SUGCT: variants seen among roughly 807,000 people sequenced by gnomAD.
The protein encoded by SUGCT is succinyl-CoA:glutarate CoA-transferase.
In SUGCT, 41 loss-of-function variants were observed where a neutral mutation model predicts 55.0. The observed-to-expected ratio is 0.74, with a 90% CI of 0.58 to 0.97. SUGCT has a LOEUF of 0.97. Among genes scored for constraint, SUGCT ranks in the 50% least tolerant of loss-of-function variants. SUGCT has a pLI of 0.00. For synonymous variants in SUGCT, 187 were observed against 200.4 expected (o/e 0.93, Z 0.56); for missense variants, 568 against 547.8 (o/e 1.04, Z -0.37).
At chr7:40,940,253 G>T in the SUGCT span, among the ~76,000 whole-genome samples, 2 of 152,162 alleles carry the variant, frequency 1.3e-5, no homozygotes, top group African/African-American at 2.4e-5. Context: ...TTTTATAACA[G>T]GACTATGCTG....
intron 10 of SUGCT, among the ~76,000 whole-genome samples, chr7:40,452,167 G>A (rs1439684159): frequency 6.6e-6 from 1 of 152,200 alleles, no homozygotes; most frequent in Non-Finnish European, 1.5e-5. Flanking sequence ...TTGGGTTCAA[G>A]TCTGAGGTTC....
chr7:40,960,094 C>A, the SUGCT span, among the ~76,000 whole-genome samples: 1 of 152,144 alleles, frequency 6.6e-6, no homozygotes, highest in Non-Finnish European at 1.5e-5. Flanking sequence ...TCGCTGGGAG[C>A]TGCAGACTGG....
chr7:40,935,182 C>T, the SUGCT span, among the ~76,000 whole-genome samples: 1 of 152,324 alleles, frequency 6.6e-6, no homozygotes, highest in Non-Finnish European at 1.5e-5. Context: ...TGATTCTGCT[C>T]ACTAGCTTCA....
intron 9 of SUGCT, among the ~76,000 whole-genome samples, chr7:40,349,594 TATTCTC>T (rs1485268350): frequency 1.3e-5 from 2 of 152,190 alleles, no homozygotes; most frequent in African/African-American, 4.8e-5. Flanking sequence ...TTCAACTACT[TATTCTC>T]AGTTACAAAA....
chr7:40,809,721 C>G (rs1791304728), intron 13 of SUGCT, among the ~76,000 whole-genome samples: 1 of 151,936 alleles, frequency 6.6e-6, no homozygotes, highest in African/African-American at 2.4e-5. Flanking sequence ...ATGAATGATC[C>G]CATCACCCAG....
chr7:40,547,577 C>T (rs2151632988), intron 12 of SUGCT, among the ~76,000 whole-genome samples: 1 of 152,108 alleles, frequency 6.6e-6, no homozygotes, highest in Middle Eastern at 3.4e-3. Flanking sequence ...TTCTGAGATA[C>T]TAAGATTATC....
intron 11 of SUGCT, among the ~76,000 whole-genome samples, chr7:40,477,436 G>A (rs1234414431): frequency 6.6e-6 from 1 of 152,076 alleles, no homozygotes; most frequent in Non-Finnish European, 1.5e-5. Context: ...CTGTATACAT[G>A]CAAAAGCGGG....
intron 7 of SUGCT, among the ~76,000 whole-genome samples, chr7:40,249,222 A>T (rs1790138295): frequency 6.7e-6 from 1 of 149,214 alleles, no homozygotes; most frequent in African/African-American, 2.5e-5. Flanking sequence ...AGCCCAGGAG[A>T]TAGAGGCTGC....
chr7:40,354,855 G>T (rs916241725), intron 9 of SUGCT, among the ~76,000 whole-genome samples: 1 of 152,148 alleles, frequency 6.6e-6, no homozygotes, highest in Non-Finnish European at 1.5e-5. Context: ...CCAAGCACTT[G>T]GCTAAATAGT....
chr7:40,618,289 C>A (rs1224160428), intron 12 of SUGCT, among the ~76,000 whole-genome samples: 1 of 152,220 alleles, frequency 6.6e-6, no homozygotes, highest in African/African-American at 2.4e-5. Flanking sequence ...GCAAGTCCAT[C>A]TTTCCCGTTG....
At chr7:40,325,128 C>T (rs1399255471) in intron 9 of SUGCT, among the ~76,000 whole-genome samples, 1 of 152,128 alleles carries the variant, frequency 6.6e-6, no homozygotes, top group Non-Finnish European at 1.5e-5. Flanking sequence ...ATATGCAGTA[C>T]TTTGCTATCA....
chr7:40,428,170 G>A (rs1787693570), intron 9 of SUGCT, among the ~76,000 whole-genome samples: 1 of 151,986 alleles, frequency 6.6e-6, no homozygotes, highest in Admixed American at 6.6e-5. Flanking sequence ...CATCTATTTT[G>A]CCTGATGTAA....
intron 13 of SUGCT, among the ~76,000 whole-genome samples, chr7:40,774,482 A>G (rs1201534816): frequency 6.6e-6 from 1 of 152,124 alleles, no homozygotes; most frequent in Non-Finnish European, 1.5e-5. Flanking sequence ...TTGATCTATA[A>G]TGTTCTCATT....
chr7:40,613,844 T>A (rs146859164), intron 12 of SUGCT, among the ~76,000 whole-genome samples: 2,619 of 152,296 alleles, frequency 0.017, 32 homozygotes, highest in South Asian at 0.04. Flanking sequence ...TTGGTCGGTT[T>A]GATCCGCCCT....
Position 40,448,961 on chromosome 7 carries a change from TAGAG to T in SUGCT, c.817-306_817-303del, listed in dbSNP as rs1163648397. ...GTGTGTGTGTGTGTGTATATATATATAGAGAGAGAGAGAGAGAGAGAGAAAGAGA... is the reference window on the plus strand; with the variant it reads ...GTGTGTGTGTGTGTGTATATATATATAGAGAGAGAGAGAGAGAGAAAGAGA... On this transcript the variant is annotated intron_variant, in intron 9 of 13. Transcript: ENST00000335693. Among the ~76,000 whole-genome samples the T allele has an allele frequency of 3.6e-4, 52 of 144,158 alleles. 1 individual carries two copies. Among genetic ancestry groups the T allele is most frequent in the South Asian group, 3.1e-3 (14 of 4,576 alleles). The allele number at this position is 144,158 out of a possible 152,430, so 94.6% of individuals were successfully genotyped here. A position where few individuals can be genotyped will look rare whatever the true frequency, so the allele number is the denominator to read the frequency against.
intron 9 of SUGCT, among the ~76,000 whole-genome samples, chr7:40,353,892 A>G (rs961713557): frequency 1.3e-5 from 2 of 152,242 alleles, no homozygotes; most frequent in Non-Finnish European, 2.9e-5. Context: ...TCTGGTAACT[A>G]TCATTATTTT....
At chr7:40,683,420 C>G (rs933199189) in intron 12 of SUGCT, among the ~76,000 whole-genome samples, 5 of 152,152 alleles carry the variant, frequency 3.3e-5, no homozygotes, top group Non-Finnish European at 7.3e-5. Context: ...TGAGCTTGTG[C>G]TTTTTTATCT....
At chr7:40,481,351 T>C (rs1791025851) in intron 11 of SUGCT, among the ~76,000 whole-genome samples, 1 of 150,548 alleles carries the variant, frequency 6.6e-6, no homozygotes, top group Non-Finnish European at 1.5e-5. Flanking sequence ...AAAAGATATA[T>C]ATATTATATA....
At chr7:40,575,408 G>T (rs181327132) in intron 12 of SUGCT, among the ~76,000 whole-genome samples, 1 of 152,126 alleles carries the variant, frequency 6.6e-6, no homozygotes, top group East Asian at 1.9e-4. Flanking sequence ...GTGACGTAGG[G>T]ATGGCATATT....
Sources: allele counts gnomAD v4.1 joint callset (sites outside exome capture counted in the v4.1 genomes callset), GRCh38; gene constraint gnomAD v4.1.1; transcripts MANE v1.5; gene names NCBI Gene and HGNC (gene_info 2026-07-23, HGNC 2026-07-21).